The following GPC6 variants were observed in gnomAD, a reference collection of about 807,000 sequenced individuals.
GPC6 encodes the protein glypican 6, also known as glypican-6.
A neutral mutation model predicts 55.2 loss-of-function variants in GPC6; 14 were observed. The ratio of observed to expected loss-of-function variants is 0.25; its 90% confidence interval spans 0.17 to 0.40. The LOEUF (loss-of-function observed/expected upper bound fraction) is 0.40, where lower values mean the gene tolerates loss of function less well. GPC6 is among the 10% of genes least tolerant of loss of function. The pLI is 1.00. For synonymous variants in GPC6, 278 were observed against 259.6 expected, an observed-to-expected ratio of 1.07 and a Z score of -0.68; for missense variants, 641 against 708.5, an observed-to-expected ratio of 0.90 and a Z score of 1.08.
At chr13:94,076,882 T>C (rs1044944913) in intron 4 of GPC6, among the ~76,000 whole-genome samples, 8 of 151,764 alleles carry the variant, frequency 5.3e-5, no homozygotes, top group Non-Finnish European at 1.2e-4. Context: ...TTACTGTAGC[T>C]TTCTAATACA....
intron 2 of GPC6, among the ~76,000 whole-genome samples, chr13:93,640,168 A>T (rs1361826197): frequency 6.6e-6 from 1 of 152,106 alleles, no homozygotes; most frequent in Non-Finnish European, 1.5e-5. Flanking sequence ...CATTATCCTG[A>T]GAAGGTCTTC....
At chr13:93,670,181 G>A (rs575476357) in intron 2 of GPC6, among the ~76,000 whole-genome samples, 8 of 152,228 alleles carry the variant, frequency 5.3e-5, no homozygotes, top group East Asian at 1.9e-4. Context: ...CAATAATAAA[G>A]CCTCATAATG....
intron 2 of GPC6, among the ~76,000 whole-genome samples, chr13:93,700,151 A>G (rs987831738): frequency 2.6e-5 from 4 of 152,148 alleles, no homozygotes; most frequent in Non-Finnish European, 4.4e-5. Context: ...AAAGCTGTCC[A>G]GCAAGACATG....
Position 93,678,615 on chromosome 13 carries a change from G to A in GPC6, c.319+133194G>A, listed in dbSNP as rs113771945. 8.7e-3 allele frequency among the ~76,000 whole-genome samples: 1,326 copies of A among 152,208 alleles called. 34 individuals are homozygous for A. The highest frequency in any genetic ancestry group is 0.03 in the African/African-American group (1,255 of 41,544). On this transcript the variant is annotated intron_variant, in intron 2 of 8. Coordinates refer to ENST00000377047, the MANE Select transcript of GPC6 (RefSeq NM_005708.5). Reference sequence around the variant, plus strand: ...AGACCACTCCCTGCAGTCAGAGTTAGGAGCTCTTTTCTCTTACAGACCTGA... The same window carrying A: ...AGACCACTCCCTGCAGTCAGAGTTAAGAGCTCTTTTCTCTTACAGACCTGA...
intron 3 of GPC6, among the ~76,000 whole-genome samples, chr13:93,888,094 T>C (rs1187235407): frequency 6.6e-6 from 1 of 152,126 alleles, no homozygotes; most frequent in African/African-American, 2.4e-5. Flanking sequence ...CCTTTTTGTT[T>C]TTCTGTTCTT....
At chr13:93,548,995 T>C (rs1874977817) in intron 2 of GPC6, among the ~76,000 whole-genome samples, 1 of 152,208 alleles carries the variant, frequency 6.6e-6, no homozygotes, top group South Asian at 2.1e-4. Flanking sequence ...AATCTCAATT[T>C]CTGGCTCTCA....
chr13:93,869,750 G>A (rs1024738448), intron 3 of GPC6, among the ~76,000 whole-genome samples: 4 of 151,778 alleles, frequency 2.6e-5, no homozygotes, highest in African/African-American at 4.8e-5. Context: ...TAACTGAGGG[G>A]TATTTTCTAC....
At chr13:93,985,578 G>C (rs2140409247) in intron 3 of GPC6, among the ~76,000 whole-genome samples, 1 of 147,802 alleles carries the variant, frequency 6.8e-6, no homozygotes, top group South Asian at 2.1e-4. Flanking sequence ...TATAGTCTCA[G>C]CTACTCAGGA....
intron 2 of GPC6, among the ~76,000 whole-genome samples, chr13:93,729,275 C>T (rs908742329): frequency 1.3e-5 from 2 of 152,090 alleles, no homozygotes; most frequent in African/African-American, 4.8e-5. Flanking sequence ...AGAGAGCCAT[C>T]AAGGTTGGGA....
At chr13:93,665,341 G>A (rs576498408) in intron 2 of GPC6, among the ~76,000 whole-genome samples, 1 of 152,302 alleles carries the variant, frequency 6.6e-6, no homozygotes, top group South Asian at 2.1e-4. Flanking sequence ...TCAATTTGCA[G>A]CACTCTATGT....
At chr13:93,308,118 A>G (rs1419919969) in intron 1 of GPC6, among the ~76,000 whole-genome samples, 1 of 152,024 alleles carries the variant, frequency 6.6e-6, no homozygotes, top group Admixed American at 6.6e-5. Context: ...CCCCGTCTCT[A>G]CTAAAAATAC....
chr13:93,610,794 A>G (rs1878429535), intron 2 of GPC6, among the ~76,000 whole-genome samples: 2 of 151,866 alleles, frequency 1.3e-5, no homozygotes, highest in African/African-American at 4.8e-5. Flanking sequence ...TCTGTTTTCT[A>G]TTTCATTTAA....
chr13:94,055,162 G>A (rs1884088267), intron 4 of GPC6, among the ~76,000 whole-genome samples: 1 of 152,208 alleles, frequency 6.6e-6, no homozygotes, highest in South Asian at 2.1e-4. Flanking sequence ...TGAGAGAAAA[G>A]CAGGGGCTCA....
At chr13:94,348,578 T>C (rs1445218509) in intron 6 of GPC6, among the ~76,000 whole-genome samples, 2 of 152,196 alleles carry the variant, frequency 1.3e-5, no homozygotes, top group Non-Finnish European at 2.9e-5. Context: ...ACCTGGAATT[T>C]CTTCCCTTTC....
chr13:93,972,528 A>G (rs777105060), intron 3 of GPC6, among the ~76,000 whole-genome samples: 3 of 152,054 alleles, frequency 2.0e-5, no homozygotes, highest in Non-Finnish European at 4.4e-5. Context: ...AGACTTTTCC[A>G]TTGCTCTCTG....
At chr13:93,435,287 T>C (rs1877527474) in intron 1 of GPC6, among the ~76,000 whole-genome samples, 1 of 151,702 alleles carries the variant, frequency 6.6e-6, no homozygotes, top group Non-Finnish European at 1.5e-5. Context: ...GCTATTATTA[T>C]TATTATTATT....
chr13:94,379,489 C>T (rs1054537555), intron 6 of GPC6, among the ~76,000 whole-genome samples: 2 of 152,144 alleles, frequency 1.3e-5, no homozygotes, highest in African/African-American at 2.4e-5. Context: ...TCCCCATCAT[C>T]GCGACGGGCT....
At chr13:93,676,106 TAAAAAAA>T (rs760322815) in intron 2 of GPC6, among the ~76,000 whole-genome samples, 352 of 23,060 alleles carry the variant, frequency 0.015, 4 homozygotes, top group African/African-American at 0.034. Flanking sequence ...CTGTTTCTAC[TAAAAAAA>T]AAAAAAAAAA....
At chr13:93,400,422 G>C (rs1876027672) in intron 1 of GPC6, among the ~76,000 whole-genome samples, 2 of 150,168 alleles carry the variant, frequency 1.3e-5, no homozygotes, top group South Asian at 4.3e-4. Flanking sequence ...AATCATCATA[G>C]AAATAATTGC....
Sources: gnomAD v4.1 joint callset for allele counts (sites outside exome capture counted in the v4.1 genomes callset) on GRCh38, gnomAD v4.1.1 for gene constraint, MANE v1.5 for transcripts, NCBI Gene and HGNC (gene_info 2026-07-23, HGNC 2026-07-21) for gene names.